STIM2: variants seen among roughly 807,000 people sequenced by gnomAD.
STIM2 encodes stromal interaction molecule 2.
STIM2 carries 31 observed loss-of-function variants against 85.8 expected under a neutral mutation model. That is an observed-to-expected ratio of 0.36 (90% CI 0.27 to 0.49). The LOEUF (loss-of-function observed/expected upper bound fraction) is 0.49, where lower values mean the gene tolerates loss of function less well. Ranked by LOEUF, STIM2 falls within the 20% of genes least tolerant of loss-of-function variation. The pLI, the probability that STIM2 is intolerant of heterozygous loss-of-function variation, is 0.98. For synonymous variants in STIM2, 356 were observed against 331.1 expected, an observed-to-expected ratio of 1.08 and a Z score of -0.82; for missense variants, 841 against 927.6, an observed-to-expected ratio of 0.91 and a Z score of 1.21.
chr4:26,934,674 G>T (rs1725328862), intron 2 of STIM2, among the ~76,000 whole-genome samples: 2 of 152,322 alleles, frequency 1.3e-5, no homozygotes, highest in South Asian at 4.1e-4. Context: ...AGCACTTCGG[G>T]AGGCCGAGGT....
At chr4:26,941,463 T>G (rs1219504779) in intron 2 of STIM2, among the ~76,000 whole-genome samples, 1 of 152,104 alleles carries the variant, frequency 6.6e-6, no homozygotes, top group Non-Finnish European at 1.5e-5. Flanking sequence ...ACAGAGCATA[T>G]GTTTGGTGAT....
At chr4:26,896,315 T>A (rs978540097) in intron 1 of STIM2, among the ~76,000 whole-genome samples, 3 of 152,238 alleles carry the variant, frequency 2.0e-5, no homozygotes, top group African/African-American at 7.2e-5. Flanking sequence ...GTCAATTGAT[T>A]AGGGCTCTGA....
intron 5 of STIM2, among the ~76,000 whole-genome samples, chr4:27,000,157 A>G (rs1307658811): frequency 6.6e-6 from 1 of 152,000 alleles, no homozygotes; most frequent in East Asian, 1.9e-4. Flanking sequence ...GAATTCTTGG[A>G]GTTAGGAGAT....
chr4:26,918,228 CTTT>C (rs367780616), intron 1 of STIM2, among the ~76,000 whole-genome samples: 1 of 130,536 alleles, frequency 7.7e-6, no homozygotes, highest in African/African-American at 2.8e-5. Context: ...ATCAGTTTGA[CTTT>C]TTTTTTTTTT....
At chr4:26,943,424 G>A (rs570325894) in intron 2 of STIM2, among the ~76,000 whole-genome samples, 1 of 152,064 alleles carries the variant, frequency 6.6e-6, no homozygotes, top group Admixed American at 6.5e-5. Context: ...TATCTTTTTT[G>A]TTGTTGTTTA....
intron 3 of STIM2, among the ~76,000 whole-genome samples, chr4:26,960,355 G>A (rs545224125): frequency 3.3e-5 from 5 of 152,072 alleles, no homozygotes; most frequent in African/African-American, 1.2e-4. Context: ...CAGAAAGTGT[G>A]TATGTTTGTG....
chr4:26,890,630 C>T (rs1222312137), intron 1 of STIM2, among the ~76,000 whole-genome samples: 4 of 151,860 alleles, frequency 2.6e-5, no homozygotes, highest in Admixed American at 1.3e-4. Context: ...CGAGACCATC[C>T]CAGCTAAAAC....
intron 2 of STIM2, among the ~76,000 whole-genome samples, chr4:26,938,300 GATT>G (rs1275496156): frequency 1.3e-5 from 2 of 151,864 alleles, no homozygotes; most frequent in Non-Finnish European, 2.9e-5. Flanking sequence ...ATTGTGAAAT[GATT>G]ATTATCGCAG....
chr4:26,979,480 G>A lies in STIM2; in HGVS notation c.398-15899G>A, dbSNP rs1336132362. Among the ~76,000 whole-genome samples the A allele has an allele frequency of 2.6e-5, 4 of 152,148 alleles. No individual in the cohort carries two copies. The East Asian group carries it at 5.8e-4, about 22-fold the overall frequency. On this transcript the variant is annotated intron_variant, in intron 3 of 11. Coordinates refer to ENST00000467087, the MANE Select transcript of STIM2 (RefSeq NM_020860.4). ...ACACTTTGTACTGAAGCTTAAGAAC[G>A]TGGAAGGTTTTTGCAGTGCCATGTC...
chr4:26,981,880 G>T (rs1322241950), intron 3 of STIM2, among the ~76,000 whole-genome samples: 1 of 151,740 alleles, frequency 6.6e-6, no homozygotes, highest in Admixed American at 6.6e-5. Context: ...ATTACAAATG[G>T]TGTTATCTTT....
intron 10 of STIM2, 68 bp downstream of exon 10, chr4:27,009,070 G>T: frequency 2.2e-6 from 3 of 1,369,108 alleles, no homozygotes; most frequent in South Asian, 2.6e-5. Context: ...TGTCCTTTTA[G>T]GAATCATGTA....
chr4:27,016,356 A>G (rs1728731607), intron 10 of STIM2, among the ~76,000 whole-genome samples: 2 of 152,066 alleles, frequency 1.3e-5, no homozygotes, highest in African/African-American at 4.8e-5. Flanking sequence ...ATAATGTTTT[A>G]CTTAGCTATT....
chr4:27,008,602 A>T, intron 9 of STIM2, 74 bp downstream of exon 9: 1 of 1,166,142 alleles, frequency 8.6e-7, no homozygotes, highest in Admixed American at 2.3e-5. Flanking sequence ...AACAATTTAT[A>T]TTTATCATTT....
chr4:26,908,323 C>T (rs1724203734), intron 1 of STIM2, among the ~76,000 whole-genome samples: 1 of 152,118 alleles, frequency 6.6e-6, no homozygotes, highest in Non-Finnish European at 1.5e-5. Flanking sequence ...TTTGGACAGA[C>T]GTGGGCTGAA....
At chr4:26,945,746 T>A (rs747166828) in intron 2 of STIM2, among the ~76,000 whole-genome samples, 7 of 152,226 alleles carry the variant, frequency 4.6e-5, no homozygotes, top group Non-Finnish European at 7.3e-5. Context: ...ATGTATGTCG[T>A]ATTTTGAGAA....
intron 3 of STIM2, among the ~76,000 whole-genome samples, chr4:26,972,699 C>A (rs1454564709): frequency 1.3e-5 from 2 of 152,080 alleles, no homozygotes; most frequent in African/African-American, 4.8e-5. Flanking sequence ...GTCTAAAATT[C>A]TCTTTTTTTG....
chr4:26,874,326 T>C, intron 1 of STIM2: 1 of 321,954 alleles, frequency 3.1e-6, no homozygotes, highest in Non-Finnish European at 6.4e-6. Context: ...CAGAGGCCCC[T>C]ACACCCTGCC....
At position 26,972,565 on chromosome 4, in the gene STIM2, C is replaced by T. The variant is rs559414507; in HGVS notation, c.397+14839C>T. Among the ~76,000 whole-genome samples the T allele has an allele frequency of 2.6e-4, 39 of 152,256 alleles. No individual in the cohort carries two copies. In the South Asian group the frequency reaches 7.9e-3, roughly 31 times the overall value. On this transcript the variant is annotated intron_variant, in intron 3 of 11. Coordinates refer to ENST00000467087, the MANE Select transcript of STIM2 (RefSeq NM_020860.4). ...GTTCATTGATTTGCGTATGTTGAAC[C>T]AGCCTTACATCTGAGGGATGAAGCT...
At chr4:26,862,961 C>T (rs901599922) in intron 1 of STIM2, among the ~76,000 whole-genome samples, 4 of 152,206 alleles carry the variant, frequency 2.6e-5, no homozygotes, top group Admixed American at 6.5e-5. Flanking sequence ...CTAGGTTTCT[C>T]GAGCAGAAAA....
Sources: gnomAD v4.1 joint callset for allele counts (sites outside exome capture counted in the v4.1 genomes callset) on GRCh38, gnomAD v4.1.1 for gene constraint, MANE v1.5 for transcripts, NCBI Gene and HGNC (gene_info 2026-07-23, HGNC 2026-07-21) for gene names.